CCDC171: variants seen among roughly 807,000 people sequenced by gnomAD.
The protein encoded by CCDC171 is coiled-coil domain containing 171.
A neutral mutation model predicts 168.2 loss-of-function variants in CCDC171; 177 were observed. That is an observed-to-expected ratio of 1.05 (90% CI 0.93 to 1.19). The LOEUF (loss-of-function observed/expected upper bound fraction) is 1.19, where lower values mean the gene tolerates loss of function less well. Among genes scored for constraint, CCDC171 ranks in the 50% most tolerant of loss-of-function variants. The pLI is 0.00. For synonymous variants in CCDC171, 687 were observed against 540.8 expected (o/e 1.27, Z -3.75); for missense variants, 1,991 against 1,539.0 (o/e 1.29, Z -4.91).
At chr9:15,592,320 A>G (rs1020397797) in intron 5 of CCDC171, among the ~76,000 whole-genome samples, 2 of 152,014 alleles carry the variant, frequency 1.3e-5, no homozygotes, top group Non-Finnish European at 2.9e-5. Context: ...AGCCTGAGCA[A>G]TATAGTGAGA....
At chr9:15,966,895 GTATA>G (rs34017341) in intron 25 of CCDC171, among the ~76,000 whole-genome samples, 12 of 149,258 alleles carry the variant, frequency 8.0e-5, no homozygotes, top group Admixed American at 1.3e-4. Flanking sequence ...GTGTGTGTGT[GTATA>G]TATATATATA....
At chr9:15,633,069 CTA>C (rs66814447) in intron 7 of CCDC171, among the ~76,000 whole-genome samples, 1 of 152,104 alleles carries the variant, frequency 6.6e-6, no homozygotes, top group Non-Finnish European at 1.5e-5. Flanking sequence ...CATAGAAACC[CTA>C]TAGGAAAACC....
chr9:15,643,976 G>A (rs1388665604), intron 7 of CCDC171, among the ~76,000 whole-genome samples: 1 of 152,052 alleles, frequency 6.6e-6, no homozygotes, highest in South Asian at 2.1e-4. Context: ...TTCATTCATT[G>A]GTTGATGGAC....
At chr9:16,092,884 C>G in the CCDC171 span, among the ~76,000 whole-genome samples, 1 of 152,180 alleles carries the variant, frequency 6.6e-6, no homozygotes, top group Non-Finnish European at 1.5e-5. Context: ...AGCTGGGTAG[C>G]AGAGCCTCGT....
At chr9:16,090,543 T>C in the CCDC171 span, among the ~76,000 whole-genome samples, 1 of 152,338 alleles carries the variant, frequency 6.6e-6, no homozygotes, top group East Asian at 1.9e-4. Context: ...TCTGCATATG[T>C]ATCCCAGAAC....
chr9:16,072,391 A>G, the CCDC171 span, among the ~76,000 whole-genome samples: 1 of 152,128 alleles, frequency 6.6e-6, no homozygotes, highest in Non-Finnish European at 1.5e-5. Context: ...TTTTAAACTC[A>G]ATACTTGCAT....
At chr9:15,935,843 T>TTTTA (rs1827050130) in intron 25 of CCDC171, among the ~76,000 whole-genome samples, 1 of 152,106 alleles carries the variant, frequency 6.6e-6, no homozygotes, top group Admixed American at 6.6e-5. Context: ...GGCAAAAGCC[T>TTTTA]TAGTTAATAG....
rs1828948888 is a variant in CCDC171 at position 15,950,147 on chromosome 9, G to T, written c.3754-21462G>T. 2.0e-5 allele frequency among the ~76,000 whole-genome samples: 3 copies of T among 152,128 alleles called. No individual in the cohort carries two copies. In the South Asian group the frequency reaches 6.2e-4, roughly 32 times the overall value. On this transcript the variant is annotated intron_variant, in intron 25 of 25. Transcript: ENST00000380701. ...ATGTGAAAAGACCAAATCTACGTCT[G>T]ATTGGTGTACCTGAAAGTGACGGGG...
chr9:15,700,029 C>T (rs547825959), intron 11 of CCDC171, among the ~76,000 whole-genome samples: 6 of 152,338 alleles, frequency 3.9e-5, no homozygotes, highest in South Asian at 4.1e-4. Context: ...CTGCCAGTCC[C>T]GTGCCGTGTG....
chr9:15,727,212 A>G (rs1240658423), intron 14 of CCDC171, among the ~76,000 whole-genome samples: 1 of 152,164 alleles, frequency 6.6e-6, no homozygotes, highest in African/African-American at 2.4e-5. Flanking sequence ...TGTGCCAAAT[A>G]CTATATGAAC....
At chr9:15,948,002 A>T (rs932715929) in intron 25 of CCDC171, among the ~76,000 whole-genome samples, 2 of 143,028 alleles carry the variant, frequency 1.4e-5, no homozygotes, top group African/African-American at 5.2e-5. Flanking sequence ...CAGTCCCCAC[A>T]GTGTGATGTT....
At chr9:15,955,530 C>G (rs1021367132) in intron 25 of CCDC171, among the ~76,000 whole-genome samples, 1 of 152,124 alleles carries the variant, frequency 6.6e-6, no homozygotes, top group Non-Finnish European at 1.5e-5. Context: ...GCACATGTGT[C>G]TGTCATGGGG....
At chr9:15,968,141 A>C (rs1183355834) in intron 25 of CCDC171, among the ~76,000 whole-genome samples, 4 of 152,224 alleles carry the variant, frequency 2.6e-5, no homozygotes. Context: ...GTTCAAATAG[A>C]ATCATTTATA....
intron 25 of CCDC171, among the ~76,000 whole-genome samples, chr9:15,951,178 G>A (rs1193039681): frequency 6.6e-6 from 1 of 150,406 alleles, no homozygotes; most frequent in Non-Finnish European, 1.5e-5. Flanking sequence ...AATAATGGGA[G>A]ACTTTAACAC....
chr9:15,931,456 C>CTTTTTTTTTT (rs57124025), intron 25 of CCDC171, among the ~76,000 whole-genome samples: 48 of 44,982 alleles, frequency 1.1e-3, no homozygotes, highest in Non-Finnish European at 1.3e-3. Flanking sequence ...TTCTTTCTTT[C>CTTTTTTTTTT]TTTTTTTTTT....
At chr9:15,680,913 A>G (rs1305381140) in intron 10 of CCDC171, among the ~76,000 whole-genome samples, 1 of 152,174 alleles carries the variant, frequency 6.6e-6, no homozygotes, top group Non-Finnish European at 1.5e-5. Flanking sequence ...ATAATCACCA[A>G]TATAGGTTGC....
intron 7 of CCDC171, among the ~76,000 whole-genome samples, chr9:15,652,282 A>C (rs558391654): frequency 1.3e-5 from 2 of 152,294 alleles, no homozygotes; most frequent in East Asian, 3.9e-4. Flanking sequence ...AGCATCATTT[A>C]ATGAAAAGAT....
At chr9:15,729,314 A>G (rs2054011172) in intron 15 of CCDC171, among the ~76,000 whole-genome samples, 1 of 152,172 alleles carries the variant, frequency 6.6e-6, no homozygotes, top group Non-Finnish European at 1.5e-5. Flanking sequence ...TCCAGAAGTA[A>G]CAGTATCTTT....
intron 6 of CCDC171, among the ~76,000 whole-genome samples, chr9:15,607,347 G>T (rs952709774): frequency 3.3e-5 from 5 of 152,022 alleles, no homozygotes; most frequent in African/African-American, 7.3e-5. Flanking sequence ...TCTGAAGTTG[G>T]TGTTTAATTT....
Sources: gnomAD v4.1 joint callset for allele counts (sites outside exome capture counted in the v4.1 genomes callset) on GRCh38, gnomAD v4.1.1 for gene constraint, MANE v1.5 for transcripts, NCBI Gene and HGNC (gene_info 2026-07-23, HGNC 2026-07-21) for gene names.